VPS54: variants seen among roughly 807,000 people sequenced by gnomAD.
VPS54 encodes the protein VPS54 subunit of GARP complex, also known as vacuolar protein sorting-associated protein 54.
VPS54 carries 45 observed loss-of-function variants against 121.5 expected under a neutral mutation model. That is an observed-to-expected ratio of 0.37 (90% CI 0.29 to 0.47). VPS54 has a LOEUF of 0.47. VPS54 is among the 20% of genes least tolerant of loss of function. The pLI, the probability that VPS54 is intolerant of heterozygous loss-of-function variation, is 0.99. For missense variants in VPS54, 1,090 were observed against 1,131.4 expected (o/e 0.96, Z 0.52); for synonymous variants, 371 against 385.8 (o/e 0.96, Z 0.45).
At chr2:63,940,504 C>G (rs1311210296) in intron 11 of VPS54, among the ~76,000 whole-genome samples, 1 of 152,084 alleles carries the variant, frequency 6.6e-6, no homozygotes, top group Non-Finnish European at 1.5e-5. Flanking sequence ...ACAGTAAATC[C>G]TCACTTAATC....
At chr2:63,958,825 A>G (rs1675618854) in intron 7 of VPS54, among the ~76,000 whole-genome samples, 1 of 152,252 alleles carries the variant, frequency 6.6e-6, no homozygotes, top group Non-Finnish European at 1.5e-5. Context: ...TAAATTTAAA[A>G]GAGTCCTTTG....
chr2:63,913,776 C>CA (rs1182578022), intron 17 of VPS54: 1 of 903,448 alleles, frequency 1.1e-6, no homozygotes, highest in Non-Finnish European at 1.3e-6. Flanking sequence ...ATCACATTTT[C>CA]ATTTTATATC....
Position 63,914,247 on chromosome 2 carries a change from G to C in VPS54, c.2269C>G (p.Gln757Glu). ...LLIRIILEYC[Q>E]CVDNIPSVTT... ...ACAGATGGGATGTTATCCACACACT[G>C]GCAATATTCAAGGATAATTCTTATT... Residue 757 changes from glutamine (Q) to glutamate (E), a missense_variant, in exon 17 of 23, where the codon CAG becomes GAG. Transcript: ENST00000272322. The C allele has an allele frequency of 6.2e-7, 1 of 1,613,430 alleles. No homozygotes were observed. Among genetic ancestry groups the C allele is most frequent in the Non-Finnish European group, 8.5e-7 (1 of 1,179,658 alleles).
At chr2:63,900,795 ACT>A (rs2104404282) in intron 20 of VPS54, among the ~76,000 whole-genome samples, 1 of 152,148 alleles carries the variant, frequency 6.6e-6, no homozygotes, top group East Asian at 1.9e-4. Context: ...ACAGAGTCTC[ACT>A]CTGATGACAA....
chr2:63,894,386 G>A (rs1672351811), intron 22 of VPS54, among the ~76,000 whole-genome samples: 1 of 152,158 alleles, frequency 6.6e-6, no homozygotes, highest in African/African-American at 2.4e-5. Context: ...TTTATCACTA[G>A]GGGAAATGTC....
At chr2:63,921,157 T>C (rs753593847) in intron 13 of VPS54, 49 bp downstream of exon 13, 17 of 1,540,232 alleles carry the variant, frequency 1.1e-5, no homozygotes, top group African/African-American at 6.9e-5. Context: ...ATTCCAGATC[T>C]TCAAAATTAT....
chr2:63,928,095 T>C (rs1339258292), intron 12 of VPS54, among the ~76,000 whole-genome samples: 1 of 152,184 alleles, frequency 6.6e-6, no homozygotes, highest in South Asian at 2.1e-4. Context: ...CTCTTCAGGA[T>C]ACTATCCAGC....
chr2:63,941,306 C>T (rs1181847507), intron 11 of VPS54, among the ~76,000 whole-genome samples: 1 of 152,022 alleles, frequency 6.6e-6, no homozygotes, highest in Non-Finnish European at 1.5e-5. Flanking sequence ...CTCACTGCAG[C>T]CTTGACCTGC....
rs781098731 is a variant in VPS54 at position 63,912,302 on chromosome 2, T to A, written c.2625+43A>T. 14 of 1,481,098 alleles carry A rather than the reference T, an allele frequency of 9.5e-6. No homozygotes were observed. The African/African-American group carries it at 2.0e-4, about 21-fold the overall frequency. 91.7% of individuals were successfully genotyped at this position (1,481,098 alleles called of 1,614,324 possible). ...GTACTCCTTATAAAATAGAAAATCA[T>A]AATGTCTTTGAACAAAGTCTAATAA... On this transcript the variant is annotated intron_variant, in intron 20 of 22. Coordinates refer to ENST00000272322, the MANE Select transcript of VPS54 (RefSeq NM_016516.3).
In VPS54 at chr2:63,912,633, A is replaced by G; in HGVS notation, c.2451T>C (p.Ile817=). The G allele has an allele frequency of 6.3e-7, 1 of 1,581,890 alleles. No individual in the cohort carries two copies. Among genetic ancestry groups the G allele is most frequent in the East Asian group, 2.3e-5 (1 of 44,080 alleles). The change falls in exon 19 of 23, where the codon ATT becomes ATC. Residue 817 remains isoleucine (I), a synonymous_variant. Coordinates refer to ENST00000272322, the MANE Select transcript of VPS54 (RefSeq NM_016516.3). ...CCCGGATCACAGGAATGTAGTGCAC[A>G]ATTAACTGCAAACATCGTGAAGAAA... The part of the protein sequence containing the change: ...LALSSRCLQL[I]VHYIPVIRAH...
Position 63,912,609 on chromosome 2 carries a change from C to A in VPS54, c.2475G>T (p.Arg825=), listed in dbSNP as rs759961490. The change falls in exon 19 of 23, where the codon CGG becomes CGT. Residue 825 remains arginine, a synonymous_variant. Transcript: ENST00000272322. ...GTGGTAGTCGAGCTTCAAAATGAGC[C>A]CGGATCACAGGAATGTAGTGCACAA... ...QLIVHYIPVI[R]AHFEARLPPK... is the part of the protein sequence containing the mutation. 6.3e-7 allele frequency: 1 copy of A among 1,596,454 alleles called. No individual in the cohort carries two copies. The highest frequency in any genetic ancestry group is 8.5e-7 in the Non-Finnish European group (1 of 1,175,956).
chr2:63,902,892 C>T (rs905107910), intron 20 of VPS54, among the ~76,000 whole-genome samples: 2 of 152,168 alleles, frequency 1.3e-5, no homozygotes, highest in Non-Finnish European at 2.9e-5. Context: ...TGCTTAAACT[C>T]AGGAGGTGGA....
chr2:63,993,769 C>A (rs182931705), intron 1 of VPS54, among the ~76,000 whole-genome samples: 2 of 152,228 alleles, frequency 1.3e-5, no homozygotes, highest in Admixed American at 1.3e-4. Context: ...CTTGGGTGGT[C>A]CCTCGATTGA....
chr2:63,965,695 A>C, intron 6 of VPS54, 140 bp downstream of exon 6: 1 of 1,204,304 alleles, frequency 8.3e-7, no homozygotes. Context: ...ATCAGTTAAG[A>C]TTGGGAGGCT....
intron 9 of VPS54, among the ~76,000 whole-genome samples, chr2:63,946,111 A>G (rs550469571): frequency 3.3e-5 from 5 of 152,090 alleles, no homozygotes; most frequent in African/African-American, 1.2e-4. Context: ...TTTTGCCTGC[A>G]TTTGAGTTTT....
intron 20 of VPS54, among the ~76,000 whole-genome samples, chr2:63,907,199 A>G (rs1672936610): frequency 6.6e-6 from 1 of 152,200 alleles, no homozygotes; most frequent in African/African-American, 2.4e-5. Context: ...AAAAAATTGG[A>G]GAATATCTTT....
At position 64,011,780 on chromosome 2, in the gene VPS54, G is replaced by A. The variant is rs137956891; in HGVS notation, c.-21+7158C>T. Among the ~76,000 whole-genome samples the A allele has an allele frequency of 4.5e-3, 679 of 152,212 alleles. 1 individual carries two copies. Among genetic ancestry groups the A allele is most frequent in the Non-Finnish European group, 7.5e-3 (509 of 68,030 alleles). ...TAGACACTGGTATTCTCTTCTTGGT[G>A]TCCCAGCCAAAAATATTAGCAAGAT... is the stretch of plus-strand genomic sequence containing the variant. On this transcript the variant is annotated intron_variant, in intron 1 of 22. Coordinates refer to ENST00000272322, the MANE Select transcript of VPS54 (RefSeq NM_016516.3).
intron 15 of VPS54, among the ~76,000 whole-genome samples, chr2:63,919,309 G>A (rs780267835): frequency 5.3e-5 from 8 of 151,460 alleles, no homozygotes; most frequent in African/African-American, 1.2e-4. Context: ...TTGGATTTTC[G>A]CTATCATGTA....
rs1190776503 is a variant in VPS54 at position 63,892,716 on chromosome 2, T to A, written c.*714A>T. ...TCTGAAAAGTATTTAGTTGCATAAA[T>A]AGATGCCAGGATCTTTTTTTTTAAG... On this transcript the variant is annotated 3_prime_UTR_variant, in exon 23 of 23. Coordinates refer to ENST00000272322, the MANE Select transcript of VPS54 (RefSeq NM_016516.3). 7.6e-6 allele frequency: 1 copy of A among 132,408 alleles called. No homozygotes were observed. Among genetic ancestry groups the A allele is most frequent in the Admixed American group, 7.9e-5 (1 of 12,730 alleles). The allele number at this position is 132,408 out of a possible 1,614,324, so 8.2% of individuals were successfully genotyped here. A position where few individuals can be genotyped will look rare whatever the true frequency, so the allele number is the denominator to read the frequency against.
Sources: allele counts gnomAD v4.1 joint callset (sites outside exome capture counted in the v4.1 genomes callset), GRCh38; gene constraint gnomAD v4.1.1; transcripts MANE v1.5; gene names NCBI Gene and HGNC (gene_info 2026-07-23, HGNC 2026-07-21).